The following DUSP11 variants were observed in gnomAD, a reference collection of about 807,000 sequenced individuals.
DUSP11 encodes RNA/RNP complex-1-interacting phosphatase.
Under a neutral mutation model 41.4 loss-of-function variants are expected in DUSP11, and 27 were observed. The observed-to-expected ratio is 0.65, with a 90% confidence interval of 0.48 to 0.90. The LOEUF is 0.90. Among genes scored for constraint, DUSP11 ranks in the 40% least tolerant of loss-of-function variants. DUSP11 has a pLI of 0.00. For missense variants in DUSP11, 465 were observed against 461.1 expected, an observed-to-expected ratio of 1.01 and a Z score of -0.08; for synonymous variants, 188 against 159.3, an observed-to-expected ratio of 1.18 and a Z score of -1.35.
At chr2:73,771,782 A>C (rs147187866) in intron 4 of DUSP11, among the ~76,000 whole-genome samples, 4 of 147,234 alleles carry the variant, frequency 2.7e-5, no homozygotes, top group Middle Eastern at 3.9e-3. Context: ...GATTACAGGC[A>C]TGAGCCATCG....
chr2:73,767,478 A>G (rs900765561), intron 5 of DUSP11: 4 of 300,486 alleles, frequency 1.3e-5, no homozygotes, highest in African/African-American at 4.4e-5. Context: ...AAAATGCAGA[A>G]TCATTTTTTA....
intron 1 of DUSP11, 198 bp downstream of exon 1, chr2:73,779,676 A>C: frequency 1.3e-6 from 1 of 789,818 alleles, no homozygotes; most frequent in African/African-American, 1.7e-5. Flanking sequence ...TTACAAGAAT[A>C]TGGAGAAATC....
intron 5 of DUSP11, chr2:73,768,209 C>G (rs1672505508): frequency 6.5e-6 from 1 of 153,704 alleles, no homozygotes; most frequent in African/African-American, 2.4e-5. Context: ...ACAGAAACCT[C>G]TAGTCCTCTT....
chr2:73,777,385 A>G (rs1193371003), intron 2 of DUSP11, among the ~76,000 whole-genome samples: 1 of 152,254 alleles, frequency 6.6e-6, no homozygotes, highest in Non-Finnish European at 1.5e-5. Context: ...AAACGTTTCA[A>G]GTAGGCTTCT....
At chr2:73,772,284 T>C (rs898122952) in intron 4 of DUSP11, among the ~76,000 whole-genome samples, 7 of 152,270 alleles carry the variant, frequency 4.6e-5, no homozygotes, top group African/African-American at 1.7e-4. Flanking sequence ...TCTCAGTCCC[T>C]ACTAGTTCTA....
exon 9 of DUSP11, chr2:73,762,217 C>G (rs931592203): frequency 6.6e-6 from 1 of 152,286 alleles, no homozygotes; most frequent in African/African-American, 2.4e-5. Context: ...AAGAAATTAT[C>G]TCCTAAGTAG....
chr2:73,769,304 CAGT>C (rs1282221042), exon 5 of DUSP11: 7 of 1,613,308 alleles, frequency 4.3e-6, no homozygotes, highest in Non-Finnish European at 5.9e-6. Flanking sequence ...ACCATGGGTA[CAGT>C]GGACACCAAT....
intron 4 of DUSP11, among the ~76,000 whole-genome samples, chr2:73,771,096 A>G (rs1672564407): frequency 6.6e-6 from 1 of 152,108 alleles, no homozygotes; most frequent in South Asian, 2.1e-4. Flanking sequence ...ATGTTTTGTT[A>G]TTCTCCAAAG....
chr2:73,764,858 C>T (rs1475962180), intron 8 of DUSP11, among the ~76,000 whole-genome samples: 1 of 151,978 alleles, frequency 6.6e-6, no homozygotes, highest in African/African-American at 2.4e-5. Context: ...CCCAGCTACT[C>T]GGGAGGCTGA....
At chr2:73,762,881 A>T in intron 8 of DUSP11, 22 bp from the exon 9 acceptor site, 2 of 1,358,506 alleles carry the variant, frequency 1.5e-6, no homozygotes, top group Non-Finnish European at 2.0e-6. Context: ...ACAAAAAGTA[A>T]TAAGCCATTA....
chr2:73,779,693 C>T (rs937660886), intron 1 of DUSP11, 181 bp downstream of exon 1: 2 of 858,066 alleles, frequency 2.3e-6, no homozygotes, highest in Admixed American at 5.8e-5. Flanking sequence ...AATCACAGGA[C>T]ATCACAGACA....
intron 8 of DUSP11, among the ~76,000 whole-genome samples, chr2:73,765,219 A>G (rs563107393): frequency 3.9e-5 from 6 of 152,274 alleles, no homozygotes; most frequent in African/African-American, 1.4e-4. Context: ...GGATACAACA[A>G]AAAGGCAGAG....
chr2:73,776,648 T>G (rs1166771580), intron 2 of DUSP11, among the ~76,000 whole-genome samples: 1 of 152,192 alleles, frequency 6.6e-6, no homozygotes, highest in Non-Finnish European at 1.5e-5. Flanking sequence ...CATTCTATGT[T>G]ATGCATTGTA....
chr2:73,764,944 C>T (rs767071586), intron 8 of DUSP11, among the ~76,000 whole-genome samples: 4 of 152,030 alleles, frequency 2.6e-5, no homozygotes, highest in South Asian at 2.1e-4. Context: ...CCAGTCTGGG[C>T]GACAGGGTGA....
chr2:73,762,672 A>G, exon 9 of DUSP11: 2 of 1,611,994 alleles, frequency 1.2e-6, no homozygotes, highest in Non-Finnish European at 1.7e-6. Context: ...CACTGGGTCC[A>G]TTCCCAACAG....
At chr2:73,780,012 G>A in exon 1 of DUSP11, 1 of 1,614,118 alleles carries the variant, frequency 6.2e-7, no homozygotes. Context: ...TGCCAAGTCG[G>A]CCAAAAGCGC....
chr2:73,773,797 C>T lies in DUSP11; in HGVS notation c.574+3G>A, dbSNP rs1346407132. The T allele has an allele frequency of 6.2e-7, 1 of 1,603,146 alleles. No individual in the cohort carries two copies. The highest frequency in any genetic ancestry group is 1.1e-5 in the South Asian group (1 of 88,848). ...CACAGTTCAGGTAAGAACAAAAACT[C>T]ACCATTATCTTTATTTTCTTTCAAA... is the stretch of plus-strand genomic sequence containing the variant. On this transcript the variant is annotated splice_donor_region_variant and intron_variant, in intron 4 of 8. Transcript: ENST00000272444.
intron 2 of DUSP11, among the ~76,000 whole-genome samples, chr2:73,775,253 T>A (rs542770548): frequency 1.4e-4 from 21 of 152,310 alleles, no homozygotes; most frequent in African/African-American, 4.8e-4. Flanking sequence ...TGTATTTCTG[T>A]ATTTGTTTCA....
intron 5 of DUSP11, chr2:73,768,487 G>A (rs182308195): frequency 2.6e-5 from 26 of 985,324 alleles, no homozygotes; most frequent in East Asian, 1.1e-4. Flanking sequence ...AAAGCATAAC[G>A]ACACATACTA....
Sources: allele counts gnomAD v4.1 joint callset (sites outside exome capture counted in the v4.1 genomes callset), GRCh38; gene constraint gnomAD v4.1.1; transcripts MANE v1.5; gene names NCBI Gene and HGNC (gene_info 2026-07-23, HGNC 2026-07-21).